Variants in NALCN observed in about 807,000 individuals in gnomAD.
The protein encoded by NALCN is sodium leak channel NALCN.
NALCN carries 111 observed loss-of-function variants against 225.3 expected under a neutral mutation model. The observed-to-expected ratio is 0.49, with a 90% CI of 0.42 to 0.58. The LOEUF is 0.58. Ranked by LOEUF, NALCN falls within the 20% of genes least tolerant of loss-of-function variation. NALCN has a pLI of 0.00. For missense variants in NALCN, 1,378 were observed against 2,202.4 expected (o/e 0.63, Z 7.49); for synonymous variants, 764 against 769.0 (o/e 0.99, Z 0.11).
intron 34 of NALCN, among the ~76,000 whole-genome samples, chr13:101,077,324 G>T (rs761805193): frequency 6.6e-6 from 1 of 152,226 alleles, no homozygotes; most frequent in Non-Finnish European, 1.5e-5. Context: ...ATGTGGAAGC[G>T]ACTTTGGAAC....
At chr13:101,205,266 T>C (rs2040268018) in intron 13 of NALCN, among the ~76,000 whole-genome samples, 2 of 152,080 alleles carry the variant, frequency 1.3e-5, no homozygotes. Flanking sequence ...AAAATAGATA[T>C]CCTCAGTATT....
chr13:101,144,091 T>A (rs2037224583), intron 16 of NALCN, among the ~76,000 whole-genome samples: 1 of 152,240 alleles, frequency 6.6e-6, no homozygotes. Flanking sequence ...TTAAAGCTAG[T>A]AACATATTAC....
chr13:101,096,943 G>A (rs1038227450), intron 27 of NALCN, among the ~76,000 whole-genome samples: 13 of 151,912 alleles, frequency 8.6e-5, no homozygotes, highest in Non-Finnish European at 1.3e-4. Flanking sequence ...TCTGCTTCAC[G>A]TCCTCTTTGA....
intron 11 of NALCN, among the ~76,000 whole-genome samples, chr13:101,255,688 A>T (rs969725459): frequency 1.3e-5 from 2 of 152,156 alleles, no homozygotes; most frequent in Non-Finnish European, 2.9e-5. Flanking sequence ...GCCTTGAACT[A>T]ATCTTTGAGT....
intron 7 of NALCN, among the ~76,000 whole-genome samples, chr13:101,308,745 C>T (rs2044238699): frequency 6.6e-6 from 1 of 152,118 alleles, no homozygotes; most frequent in Non-Finnish European, 1.5e-5. Flanking sequence ...GGATTTCACA[C>T]AAGTATATGA....
intron 10 of NALCN, among the ~76,000 whole-genome samples, chr13:101,274,520 C>T (rs1243802451): frequency 6.6e-6 from 1 of 152,082 alleles, no homozygotes; most frequent in Non-Finnish European, 1.5e-5. Flanking sequence ...AATTTAATAC[C>T]TAATAAAACA....
At chr13:101,284,317 A>G (rs2043267575) in intron 9 of NALCN, among the ~76,000 whole-genome samples, 2 of 152,238 alleles carry the variant, frequency 1.3e-5, no homozygotes, top group Non-Finnish European at 2.9e-5. Context: ...ATACTTTAGT[A>G]TTTTATCCCC....
At chr13:101,338,741 T>C (rs2045464693) in intron 7 of NALCN, among the ~76,000 whole-genome samples, 1 of 152,256 alleles carries the variant, frequency 6.6e-6, no homozygotes, top group Non-Finnish European at 1.5e-5. Flanking sequence ...AGGGAAATAA[T>C]GCTAACATTC....
At chr13:101,176,251 C>A (rs1176169238) in intron 15 of NALCN, 49 bp downstream of exon 15, 3 of 1,381,464 alleles carry the variant, frequency 2.2e-6, no homozygotes, top group Non-Finnish European at 2.9e-6. Flanking sequence ...AAATGGTTTG[C>A]CCCTGGTTTT....
intron 14 of NALCN, among the ~76,000 whole-genome samples, chr13:101,189,548 CA>C (rs1180564659): frequency 6.6e-6 from 1 of 152,150 alleles, no homozygotes; most frequent in Non-Finnish European, 1.5e-5. Flanking sequence ...ATACAAACAA[CA>C]GAGAGATCAG....
intron 18 of NALCN, among the ~76,000 whole-genome samples, chr13:101,122,521 A>T (rs540861276): frequency 6.6e-6 from 1 of 152,314 alleles, no homozygotes; most frequent in African/African-American, 2.4e-5. Context: ...GCTCATGTAC[A>T]TTATATAATT....
intron 14 of NALCN, among the ~76,000 whole-genome samples, chr13:101,186,920 G>A (rs764734970): frequency 9.2e-5 from 14 of 152,186 alleles, no homozygotes; most frequent in Non-Finnish European, 1.8e-4. Flanking sequence ...AGGTGGGAAA[G>A]AATTCCTTAA....
chr13:101,135,368 C>A (rs1177029241), intron 17 of NALCN, among the ~76,000 whole-genome samples: 1 of 152,114 alleles, frequency 6.6e-6, no homozygotes, highest in East Asian at 1.9e-4. Flanking sequence ...ATGTCAGATG[C>A]TTTTAACCTG....
At chr13:101,347,249 TATTC>T (rs1189217573) in intron 6 of NALCN, among the ~76,000 whole-genome samples, 7 of 152,114 alleles carry the variant, frequency 4.6e-5, no homozygotes, top group African/African-American at 1.7e-4. Flanking sequence ...CACCCTAAGC[TATTC>T]CTTTAGGGTT....
rs542148865 is a variant in NALCN at position 101,405,606 on chromosome 13, G to A, written c.-39-6441C>T. On this transcript the variant is annotated intron_variant, in intron 1 of 43. Coordinates refer to ENST00000251127, the MANE Select transcript of NALCN (RefSeq NM_052867.4). Reference sequence around the variant, plus strand: ...TCACGCTCTTCCTCTCCCTCCATGAGGTCACCTCTCACGGCCTCCACAGCC... The same window carrying A: ...TCACGCTCTTCCTCTCCCTCCATGAAGTCACCTCTCACGGCCTCCACAGCC... Among the ~76,000 whole-genome samples, 63 of 152,210 alleles carry A rather than the reference G, an allele frequency of 4.1e-4. 1 individual carries two copies. Among genetic ancestry groups the A allele is most frequent in the Admixed American group, 3.9e-3 (59 of 15,290 alleles).
chr13:101,207,572 C>T (rs900710600), intron 13 of NALCN, among the ~76,000 whole-genome samples: 4 of 152,176 alleles, frequency 2.6e-5, no homozygotes, highest in South Asian at 2.1e-4. Flanking sequence ...AGACATGAAG[C>T]TGGCTGGGCT....
intron 13 of NALCN, among the ~76,000 whole-genome samples, chr13:101,228,754 A>C (rs2041240888): frequency 6.6e-6 from 1 of 152,184 alleles, no homozygotes; most frequent in Non-Finnish European, 1.5e-5. Context: ...TTACTATTTC[A>C]ACTTAGGGTA....
At chr13:101,386,498 G>A (rs2046990065) in intron 3 of NALCN, among the ~76,000 whole-genome samples, 1 of 151,770 alleles carries the variant, frequency 6.6e-6, no homozygotes, top group South Asian at 2.1e-4. Flanking sequence ...AGGAAAACTT[G>A]GAAACTGTAC....
chr13:101,269,105 A>G (rs2042689445), intron 10 of NALCN, among the ~76,000 whole-genome samples: 2 of 152,140 alleles, frequency 1.3e-5, no homozygotes, highest in African/African-American at 4.8e-5. Context: ...TGAAGTGTTC[A>G]CTTTGCTTAC....
Sources: gnomAD v4.1 joint callset for allele counts (sites outside exome capture counted in the v4.1 genomes callset) on GRCh38, gnomAD v4.1.1 for gene constraint, MANE v1.5 for transcripts, NCBI Gene and HGNC (gene_info 2026-07-23, HGNC 2026-07-21) for gene names.